PEAK1: variants seen among roughly 807,000 people sequenced by gnomAD.
The protein encoded by PEAK1 is pseudopodium enriched atypical kinase 1, also known as inactive tyrosine-protein kinase PEAK1.
Under a neutral mutation model 124.7 loss-of-function variants are expected in PEAK1, and 54 were observed. That is an observed-to-expected ratio of 0.43 (90% CI 0.35 to 0.54). The LOEUF is 0.54. Ranked by LOEUF, PEAK1 falls within the 20% of genes least tolerant of loss-of-function variation. The probability of loss-of-function intolerance (pLI) is 0.01; values close to 1 mark genes in which losing one functional copy is unlikely to be tolerated. For synonymous variants in PEAK1, 719 were observed against 760.0 expected (o/e 0.95, Z 0.89); for missense variants, 2,046 against 2,134.5 (o/e 0.96, Z 0.82).
rs183153944 is a variant in PEAK1 at position 77,246,406 on chromosome 15, C to T, written c.-115+5961G>A. On this transcript the variant is annotated intron_variant, in intron 6 of 9. Coordinates refer to ENST00000682557, the MANE Select transcript of PEAK1 (RefSeq NM_001385026.1). The stretch of plus-strand genomic sequence containing the variant: ...AAGCATGGTGGCTCATGCCTGTAAT[C>T]CCAGCTACTCAGGACGCTGAGGTAG... Among the ~76,000 whole-genome samples, 729 of 152,170 alleles carry T rather than the reference C, an allele frequency of 4.8e-3. 5 individuals are homozygous for T. The highest frequency in any genetic ancestry group is 0.017 in the African/African-American group (700 of 41,514).
intron 2 of PEAK1, chr15:77,347,438 CA>C: frequency 1.0e-6 from 1 of 985,182 alleles, no homozygotes; most frequent in East Asian, 1.1e-4. Flanking sequence ...ACCTCAAAAG[CA>C]ATATTGTTCT....
At chr15:77,272,980 C>T (rs751340512) in intron 5 of PEAK1, among the ~76,000 whole-genome samples, 12 of 152,112 alleles carry the variant, frequency 7.9e-5, no homozygotes, top group Non-Finnish European at 1.5e-4. Flanking sequence ...AAATGTGATA[C>T]ACCACAGAAA....
chr15:77,204,140 C>T (rs1000614273), intron 6 of PEAK1, among the ~76,000 whole-genome samples: 2 of 151,924 alleles, frequency 1.3e-5, no homozygotes, highest in African/African-American at 4.8e-5. Flanking sequence ...ATACAGATAG[C>T]AAATAAAAAG....
intron 2 of PEAK1, chr15:77,350,590 ATG>A: frequency 1.1e-6 from 1 of 933,530 alleles, no homozygotes; most frequent in Non-Finnish European, 1.3e-6. Context: ...TAGTAAGTAT[ATG>A]TGTGTTAGAG....
Position 77,246,249 on chromosome 15 carries a change from C to T in PEAK1, c.-115+6118G>A, listed in dbSNP as rs139003990. On this transcript the variant is annotated intron_variant, in intron 6 of 9. Coordinates refer to ENST00000682557, the MANE Select transcript of PEAK1 (RefSeq NM_001385026.1). ...GTCTTGATCTCTTGACCTCATGATC[C>T]GCCTGCCTCGGCCTCCCAAAGTGCT... is the stretch of plus-strand genomic sequence containing the variant. Among the ~76,000 whole-genome samples, 727 of 152,234 alleles carry T rather than the reference C, an allele frequency of 4.8e-3. 4 individuals carry two copies. Among genetic ancestry groups the T allele is most frequent in the African/African-American group, 0.016 (675 of 41,556 alleles).
chr15:77,244,064 T>C (rs186208926), intron 6 of PEAK1, among the ~76,000 whole-genome samples: 1 of 152,168 alleles, frequency 6.6e-6, no homozygotes, highest in Admixed American at 6.5e-5. Flanking sequence ...CTGTGGAATA[T>C]GATGAAGACT....
At chr15:77,176,500 T>A (rs1023784081) in intron 7 of PEAK1, among the ~76,000 whole-genome samples, 24 of 151,976 alleles carry the variant, frequency 1.6e-4, no homozygotes, top group Non-Finnish European at 2.9e-4. Context: ...ACCTACTGAA[T>A]AAAAAACTCC....
At position 77,179,882 on chromosome 15, in the gene PEAK1, G is replaced by A; in HGVS notation, c.2045C>T (p.Thr682Ile). Residue 682 changes from threonine (T) to isoleucine (I), a missense_variant, in exon 7 of 10, where the codon ACC becomes ATC. By Grantham distance (89) the Thr-to-Ile change is moderately conservative (BLOSUM62 -1). Transcript: ENST00000682557. ...SKVPDNTTSK[T>I]TDCLQTKGFS... ...CCCTTTAGTTTGAAGACAGTCAGTG[G>A]TTTTGCTAGTGGTGTTATCAGGCAC... The A allele has an allele frequency of 6.2e-7, 1 of 1,614,116 alleles. No individual in the cohort carries two copies. Among genetic ancestry groups the A allele is most frequent in the South Asian group, 1.1e-5 (1 of 91,070 alleles).
At chr15:77,414,257 T>G (rs1017845345) in intron 1 of PEAK1, among the ~76,000 whole-genome samples, 12 of 147,756 alleles carry the variant, frequency 8.1e-5, no homozygotes, top group African/African-American at 3.0e-4. Context: ...TCACCCAGGC[T>G]GGAGTGCAGT....
chr15:77,348,895 G>A, intron 2 of PEAK1: 1 of 943,444 alleles, frequency 1.1e-6, no homozygotes, highest in Non-Finnish European at 1.3e-6. Flanking sequence ...TCTTGCCTTG[G>A]CCTCGCAAAG....
At chr15:77,407,986 T>C (rs2072010009) in intron 1 of PEAK1, among the ~76,000 whole-genome samples, 1 of 149,630 alleles carries the variant, frequency 6.7e-6, no homozygotes. Context: ...CACATATACA[T>C]ATATACACAT....
At chr15:77,359,872 A>C (rs187801163) in intron 2 of PEAK1, among the ~76,000 whole-genome samples, 4 of 152,332 alleles carry the variant, frequency 2.6e-5, no homozygotes, top group African/African-American at 9.6e-5. Context: ...TTCCTGCCTC[A>C]GATTCAACAC....
intron 1 of PEAK1, among the ~76,000 whole-genome samples, chr15:77,382,476 T>C (rs74025199): frequency 0.015 from 2,263 of 152,264 alleles, 55 homozygotes; most frequent in African/African-American, 0.051. Flanking sequence ...GTTCTTCTCT[T>C]AGAAATATTT....
chr15:77,189,072 G>A (rs745585724), intron 6 of PEAK1, among the ~76,000 whole-genome samples: 3 of 152,162 alleles, frequency 2.0e-5, no homozygotes, highest in South Asian at 4.1e-4. Context: ...GTGGTGGTGC[G>A]CGCCTGTAGT....
chr15:77,218,568 CTCTTT>C lies in PEAK1; in HGVS notation c.-115+33794_-115+33798del, dbSNP rs1259111856. Among the ~76,000 whole-genome samples the C allele has an allele frequency of 2.6e-5, 4 of 151,168 alleles. No homozygotes were observed. The East Asian group carries it at 5.8e-4, about 22-fold the overall frequency. ...TCATGAGGAACGTTGGTCTTTAATTCTCTTTTCTTTTTTTTTTTAAAGAGATGGGG... is the reference window on the plus strand; with the variant it reads ...TCATGAGGAACGTTGGTCTTTAATTCTCTTTTTTTTTTTAAAGAGATGGGG... On this transcript the variant is annotated intron_variant, in intron 6 of 9. Transcript: ENST00000682557.
At chr15:77,209,200 A>G (rs1383294806) in intron 6 of PEAK1, among the ~76,000 whole-genome samples, 7 of 152,162 alleles carry the variant, frequency 4.6e-5, no homozygotes, top group African/African-American at 1.7e-4. Flanking sequence ...AAAGAAAAAA[A>G]TTGTTTGTGA....
intron 6 of PEAK1, among the ~76,000 whole-genome samples, chr15:77,238,759 G>A (rs1031215489): frequency 3.3e-5 from 5 of 152,154 alleles, no homozygotes; most frequent in Non-Finnish European, 4.4e-5. Context: ...AGCATTGGGA[G>A]TACTCCCTTG....
intron 6 of PEAK1, among the ~76,000 whole-genome samples, chr15:77,225,476 G>A (rs908983013): frequency 6.6e-6 from 1 of 151,478 alleles, no homozygotes; most frequent in Non-Finnish European, 1.5e-5. Context: ...GTCAAAGATC[G>A]ATAAAGATAT....
rs199682587 is a variant in PEAK1, at chr15:77,179,579, G to A, written c.2348C>T (p.Thr783Ile). The A allele has an allele frequency of 6.0e-4, 963 of 1,614,044 alleles. 3 individuals are homozygous for A. The highest frequency in any genetic ancestry group is 9.5e-4 in the Admixed American group (57 of 59,990). ...SIQPPQSPPETPQSGPKACSV... is the reference protein window; with the variant it reads ...SIQPPQSPPEIPQSGPKACSV... ...GCAAGCTTTAGGGCCAGATTGAGGT[G>A]TTTCTGGAGGAGACTGTGGGGGTTG... Residue 783 changes from threonine to isoleucine, a missense_variant, in exon 7 of 10, where the codon ACA becomes ATA. Transcript: ENST00000682557.
Sources: gnomAD v4.1 joint callset for allele counts (sites outside exome capture counted in the v4.1 genomes callset) on GRCh38, gnomAD v4.1.1 for gene constraint, MANE v1.5 for transcripts, NCBI Gene and HGNC (gene_info 2026-07-23, HGNC 2026-07-21) for gene names.